Variants in UBASH3B observed in about 807,000 individuals in gnomAD.
UBASH3B encodes ubiquitin-associated and SH3 domain-containing protein B.
In UBASH3B, 37 loss-of-function variants were observed where a neutral mutation model predicts 83.4. That is an observed-to-expected ratio of 0.44 (90% CI 0.34 to 0.58). The LOEUF (loss-of-function observed/expected upper bound fraction) is 0.58. Ranked by LOEUF, UBASH3B falls within the 20% of genes least tolerant of loss-of-function variation. UBASH3B has a pLI of 0.01. For synonymous variants in UBASH3B, 304 were observed against 318.3 expected (o/e 0.96, Z 0.48); for missense variants, 657 against 827.2 (o/e 0.79, Z 2.52).
At chr11:122,735,518 T>C (rs1044731525) in intron 1 of UBASH3B, among the ~76,000 whole-genome samples, 2 of 152,188 alleles carry the variant, frequency 1.3e-5, no homozygotes, top group Non-Finnish European at 2.9e-5. Flanking sequence ...GAGCACCTAA[T>C]ATGTGATAGA....
In UBASH3B at chr11:122,810,121, T is replaced by C. The variant is rs1218935045; in HGVS notation, c.*235T>C. 1.1e-5 allele frequency: 5 copies of C among 470,746 alleles called. No individual in the cohort carries two copies. Among genetic ancestry groups the C allele is most frequent in the Non-Finnish European group, 1.9e-5 (5 of 269,304 alleles). The allele number at this position is 470,746 out of a possible 1,614,324, so 29.2% of individuals were successfully genotyped here. A position where few individuals can be genotyped will look rare whatever the true frequency, so the allele number is the denominator to read the frequency against. ...GCCTAGCTCACAAGGCTTTGGAGAA[T>C]TGTCTTCCTAAATCGGGGCACCTGC... On this transcript the variant is annotated 3_prime_UTR_variant, in exon 14 of 14. Coordinates refer to ENST00000284273, the MANE Select transcript of UBASH3B (RefSeq NM_032873.5).
intron 1 of UBASH3B, among the ~76,000 whole-genome samples, chr11:122,656,845 G>T (rs2135885630): frequency 6.6e-6 from 1 of 152,262 alleles, no homozygotes; most frequent in East Asian, 1.9e-4. Context: ...CGTCAGTGGT[G>T]ACGGCAGCTC....
At chr11:122,683,319 A>G (rs1863766837) in intron 1 of UBASH3B, among the ~76,000 whole-genome samples, 1 of 151,692 alleles carries the variant, frequency 6.6e-6, no homozygotes, top group South Asian at 2.1e-4. Context: ...TGACTATTTA[A>G]ATTATGACCA....
chr11:122,787,299 T>C (rs2135158168), intron 5 of UBASH3B, among the ~76,000 whole-genome samples: 1 of 152,234 alleles, frequency 6.6e-6, no homozygotes, highest in South Asian at 2.1e-4. Flanking sequence ...CCTTCCTGGC[T>C]TGTTTGGGGA....
intron 1 of UBASH3B, among the ~76,000 whole-genome samples, chr11:122,746,355 T>G (rs1355544770): frequency 6.6e-6 from 1 of 151,978 alleles, no homozygotes; most frequent in African/African-American, 2.4e-5. Flanking sequence ...AAGATATGAG[T>G]GGGCGGACAA....
intron 13 of UBASH3B, 110 bp from the exon 14 acceptor site, chr11:122,809,639 A>G (rs374853024): frequency 8.4e-7 from 1 of 1,185,076 alleles, no homozygotes; most frequent in Non-Finnish European, 1.2e-6. Flanking sequence ...GCCACTATCC[A>G]TTTCTGACTG....
chr11:122,700,309 A>C (rs1273091610), intron 1 of UBASH3B, among the ~76,000 whole-genome samples: 1 of 152,150 alleles, frequency 6.6e-6, no homozygotes. Context: ...GGCTCTGACC[A>C]GAGTTACACA....
chr11:122,679,449 C>T (rs1209944545), intron 1 of UBASH3B, among the ~76,000 whole-genome samples: 1 of 152,168 alleles, frequency 6.6e-6, no homozygotes, highest in Middle Eastern at 3.2e-3. Context: ...GTCCTCAGAC[C>T]AGCCCTTTTG....
chr11:122,736,823 G>A (rs940176560), intron 1 of UBASH3B, among the ~76,000 whole-genome samples: 31 of 152,284 alleles, frequency 2.0e-4, no homozygotes, highest in African/African-American at 7.5e-4. Flanking sequence ...GCTGAGGAGA[G>A]AGGATCGCTT....
chr11:122,656,555 C>G (rs972224147), intron 1 of UBASH3B, among the ~76,000 whole-genome samples: 7 of 152,202 alleles, frequency 4.6e-5, no homozygotes, highest in African/African-American at 1.7e-4. Flanking sequence ...TCTCCAGCGC[C>G]GAGCGCCTAG....
intron 1 of UBASH3B, among the ~76,000 whole-genome samples, chr11:122,768,732 C>T (rs1860595245): frequency 6.6e-6 from 1 of 152,108 alleles, no homozygotes; most frequent in Non-Finnish European, 1.5e-5. Context: ...TCTCAAACTC[C>T]TGATCTCAGT....
chr11:122,812,702 A>G lies in UBASH3B; in HGVS notation c.*2816A>G, dbSNP rs543876656. 5 of 152,366 alleles carry G rather than the reference A, an allele frequency of 3.3e-5. No homozygotes were observed. The East Asian group carries it at 5.8e-4, about 18-fold the overall frequency. The allele number at this position is 152,366 out of a possible 1,614,324, so 9.4% of individuals were successfully genotyped here. A position where few individuals can be genotyped will look rare whatever the true frequency, so the allele number is the denominator to read the frequency against. ...CATTTCCTGCTTCTACAAGTGTGCC[A>G]CATCAATCCGGTAATGCCCCAGTGT... On this transcript the variant is annotated 3_prime_UTR_variant, in exon 14 of 14. Transcript: ENST00000284273.
At chr11:122,800,571 TAAAG>T (rs1294030964) in intron 10 of UBASH3B, among the ~76,000 whole-genome samples, 2 of 151,544 alleles carry the variant, frequency 1.3e-5, no homozygotes, top group African/African-American at 2.4e-5. Flanking sequence ...ATAATAATAA[TAAAG>T]AAAGAAAGAG....
intron 10 of UBASH3B, among the ~76,000 whole-genome samples, chr11:122,800,699 C>A (rs931802663): frequency 6.6e-6 from 1 of 152,012 alleles, no homozygotes; most frequent in Admixed American, 6.5e-5. Context: ...ACTTTCGCCT[C>A]CTGGGTTCAA....
intron 1 of UBASH3B, among the ~76,000 whole-genome samples, chr11:122,708,657 T>C (rs1864154979): frequency 6.6e-6 from 1 of 152,170 alleles, no homozygotes; most frequent in South Asian, 2.1e-4. Flanking sequence ...TATTGCCAAA[T>C]AGACAGCACC....
chr11:122,702,678 C>T (rs111980572), intron 1 of UBASH3B, among the ~76,000 whole-genome samples: 1,958 of 152,070 alleles, frequency 0.013, 43 homozygotes, highest in African/African-American at 0.043. Context: ...GCGCATGCTA[C>T]CACACCCGGC....
chr11:122,681,978 A>C (rs1863745165), intron 1 of UBASH3B, among the ~76,000 whole-genome samples: 1 of 152,054 alleles, frequency 6.6e-6, no homozygotes, highest in Non-Finnish European at 1.5e-5. Flanking sequence ...CATCACTGCC[A>C]CCCAGGGTGG....
At chr11:122,798,356 G>T (rs908733369) in intron 9 of UBASH3B, among the ~76,000 whole-genome samples, 2 of 152,030 alleles carry the variant, frequency 1.3e-5, no homozygotes, top group Non-Finnish European at 2.9e-5. Flanking sequence ...GTATTGTCCT[G>T]TTTCTAAATA....
chr11:122,761,217 G>C (rs889180618), intron 1 of UBASH3B, among the ~76,000 whole-genome samples: 1 of 152,086 alleles, frequency 6.6e-6, no homozygotes, highest in Non-Finnish European at 1.5e-5. Context: ...CCATCCTCCT[G>C]GTAGAAAGGC....
Sources: allele counts gnomAD v4.1 joint callset (sites outside exome capture counted in the v4.1 genomes callset), GRCh38; gene constraint gnomAD v4.1.1; transcripts MANE v1.5; gene names NCBI Gene and HGNC (gene_info 2026-07-23, HGNC 2026-07-21).